The following FHIP2A variants were observed in gnomAD, a reference collection of about 807,000 sequenced individuals.
FHIP2A encodes the protein FHF complex subunit HOOK interacting protein 2A.
A neutral mutation model predicts 93.5 loss-of-function variants in FHIP2A; 46 were observed. The observed-to-expected ratio is 0.49, with a 90% confidence interval of 0.39 to 0.63. The LOEUF (loss-of-function observed/expected upper bound fraction) is 0.63. Among genes scored for constraint, FHIP2A ranks in the 20% least tolerant of loss-of-function variants. The pLI is 0.00. For synonymous variants in FHIP2A, 332 were observed against 326.5 expected, an observed-to-expected ratio of 1.02 and a Z score of -0.18; for missense variants, 769 against 909.7, an observed-to-expected ratio of 0.85 and a Z score of 1.99.
chr10:114,835,504 T>C (rs750984369), intron 3 of FHIP2A, 33 bp from the exon 4 acceptor site: 2 of 1,338,708 alleles, frequency 1.5e-6, no homozygotes, highest in Non-Finnish European at 2.1e-6. Flanking sequence ...TGTCTGTTGT[T>C]TTCCTGTTGG....
At chr10:114,887,920 C>T (rs2083951260) in intron 16 of FHIP2A, among the ~76,000 whole-genome samples, 1 of 152,202 alleles carries the variant, frequency 6.6e-6, no homozygotes, top group Admixed American at 6.5e-5. Context: ...TCAAGGCTCC[C>T]AGAGAATGGC....
downstream of FHIP2A, among the ~76,000 whole-genome samples, chr10:114,864,879 T>C (rs1012982321): frequency 6.6e-6 from 1 of 152,196 alleles, no homozygotes; most frequent in Non-Finnish European, 1.5e-5. Context: ...GCAATGTATC[T>C]ATTTGTGGAG....
intron 15 of FHIP2A, 98 bp from the exon 16 acceptor site, chr10:114,861,133 T>C: frequency 6.7e-7 from 1 of 1,490,186 alleles, no homozygotes; most frequent in South Asian, 1.3e-5. Context: ...TTTACGTTCT[T>C]TATTAAATAG....
Position 114,846,377 on chromosome 10 carries a change from G to A in FHIP2A, c.1398+10G>A, listed in dbSNP as rs376069587. ...TCACATATCTGATGAGGTAAGCTAC[G>A]TAATGATTTAGAATTGGACTTAGAT... is the stretch of plus-strand genomic sequence containing the variant. On this transcript the variant is annotated intron_variant, in intron 10 of 16. Coordinates refer to ENST00000369248, the MANE Select transcript of FHIP2A (RefSeq NM_020940.4). The A allele has an allele frequency of 2.5e-6, 4 of 1,606,938 alleles. No homozygotes were observed. Among genetic ancestry groups the A allele is most frequent in the African/African-American group, 1.3e-5 (1 of 74,730 alleles).
intron 16 of FHIP2A, among the ~76,000 whole-genome samples, chr10:114,878,406 G>T (rs1051224774): frequency 1.3e-5 from 2 of 152,178 alleles, no homozygotes; most frequent in African/African-American, 4.8e-5. Flanking sequence ...TGGGGGCAAA[G>T]TCACTCATAG....
chr10:114,839,564 T>C (rs141134827), intron 5 of FHIP2A, among the ~76,000 whole-genome samples: 256 of 152,224 alleles, frequency 1.7e-3, no homozygotes, highest in African/African-American at 6.0e-3. Context: ...TGGTTAAATA[T>C]ATATGGTAGA....
chr10:114,864,423 C>G lies in FHIP2A; in HGVS notation c.*2883C>G, dbSNP rs546918096. 1.0e-6 allele frequency: 1 copy of G among 985,680 alleles called. No individual in the cohort carries two copies. The highest frequency in any genetic ancestry group is 1.2e-6 in the Non-Finnish European group (1 of 829,898). The allele number at this position is 985,680 out of a possible 1,614,324, so 61.1% of individuals were successfully genotyped here. On this transcript the variant is annotated 3_prime_UTR_variant, in exon 17 of 17. Transcript: ENST00000369248. ...TGTGTTAAAACATGGTAGATAATCA[C>G]ATTTTCTGGGCCCTGTAAAATAGTG...
chr10:114,830,270 CTTTT>C (rs5788083), intron 1 of FHIP2A, among the ~76,000 whole-genome samples: 1 of 105,450 alleles, frequency 9.5e-6, no homozygotes, highest in African/African-American at 3.8e-5. Flanking sequence ...CTGAAACCTA[CTTTT>C]TTTTTTTTTT....
intron 1 of FHIP2A, among the ~76,000 whole-genome samples, chr10:114,823,851 C>A (rs1052377278): frequency 2.0e-5 from 3 of 152,212 alleles, no homozygotes; most frequent in African/African-American, 4.8e-5. Context: ...TAATGAGATA[C>A]TTGGTAATCA....
intron 16 of FHIP2A, among the ~76,000 whole-genome samples, chr10:114,877,276 G>T (rs916958106): frequency 1.3e-5 from 2 of 152,108 alleles, no homozygotes; most frequent in African/African-American, 4.8e-5. Context: ...TCCCCACTGG[G>T]AACGGCGCCG....
At chr10:114,870,666 A>T (rs1261996050) in intron 16 of FHIP2A, among the ~76,000 whole-genome samples, 1 of 152,212 alleles carries the variant, frequency 6.6e-6, no homozygotes, top group African/African-American at 2.4e-5. Context: ...TGTTCAACAG[A>T]TATTCACTAA....
At chr10:114,897,526 A>G (rs1026030862) in intron 16 of FHIP2A, among the ~76,000 whole-genome samples, 2 of 152,206 alleles carry the variant, frequency 1.3e-5, no homozygotes, top group African/African-American at 2.4e-5. Context: ...TCATTTGTAT[A>G]TTATAAAAAT....
At position 114,833,273 on chromosome 10, in the gene FHIP2A, T is replaced by C. The variant is rs746388403; in HGVS notation, c.165T>C (p.His55=). 1.9e-6 allele frequency: 3 copies of C among 1,613,520 alleles called. No homozygotes were observed. The East Asian group carries it at 6.7e-5, about 36-fold the overall frequency. Reference sequence around the variant, plus strand: ...TGACCGATACAAATATTCCATCGCATCTGGAACAGATGTTAGATATACTGG... The same window carrying C: ...TGACCGATACAAATATTCCATCGCACCTGGAACAGATGTTAGATATACTGG... ...APVTDTNIPS[H]LEQMLDILVQ... Residue 55 remains histidine, a synonymous_variant, in exon 3 of 17, where the codon CAT becomes CAC. Coordinates refer to ENST00000369248, the MANE Select transcript of FHIP2A (RefSeq NM_020940.4).
At chr10:114,833,032 T>C (rs1303894064) in intron 2 of FHIP2A, among the ~76,000 whole-genome samples, 1 of 152,036 alleles carries the variant, frequency 6.6e-6, no homozygotes, top group Non-Finnish European at 1.5e-5. Context: ...GAATATTGAT[T>C]CAGTTTTAGG....
chr10:114,832,516 T>C (rs2083613165), intron 2 of FHIP2A, among the ~76,000 whole-genome samples: 1 of 152,136 alleles, frequency 6.6e-6, no homozygotes, highest in East Asian at 1.9e-4. Flanking sequence ...AACCTATTTC[T>C]ATTTAAAGAG....
At chr10:114,878,793 A>AAAG (rs1260637569) in intron 16 of FHIP2A, among the ~76,000 whole-genome samples, 1 of 149,460 alleles carries the variant, frequency 6.7e-6, no homozygotes, top group Admixed American at 6.7e-5. Flanking sequence ...AAAAAAAAAA[A>AAAG]AGAAAGAAAG....
chr10:114,882,002 G>T, intron 16 of FHIP2A, among the ~76,000 whole-genome samples: 1 of 152,248 alleles, frequency 6.6e-6, no homozygotes, highest in East Asian at 1.9e-4. Flanking sequence ...TGTTTGTAAT[G>T]ACTTCGGTTT....
chr10:114,888,819 T>C (rs2083955983), intron 16 of FHIP2A, among the ~76,000 whole-genome samples: 1 of 152,112 alleles, frequency 6.6e-6, no homozygotes, highest in South Asian at 2.1e-4. Context: ...GCCAGGCTGA[T>C]CTTGAACCCC....
At position 114,843,724 on chromosome 10, in the gene FHIP2A, A is replaced by AT. The variant is rs562216673; in HGVS notation, c.817-8dup. 3,896 of 1,462,322 alleles carry AT rather than the reference A, an allele frequency of 2.7e-3. 9 individuals carry two copies. Among genetic ancestry groups the AT allele is most frequent in the Non-Finnish European group, 3.0e-3 (3,294 of 1,103,076 alleles). The allele number at this position is 1,462,322 out of a possible 1,614,324, so 90.6% of individuals were successfully genotyped here. ...TATACAATTCAAGAATTGAAGGGGGATTTTTTTTTCCTTTAGGATGGCAGA... is the reference window on the plus strand; with the variant it reads ...TATACAATTCAAGAATTGAAGGGGGATTTTTTTTTTCCTTTAGGATGGCAGA... On this transcript the variant is annotated splice_polypyrimidine_tract_variant and intron_variant, in intron 6 of 16. Transcript: ENST00000369248.
Sources: allele counts gnomAD v4.1 joint callset (sites outside exome capture counted in the v4.1 genomes callset), GRCh38; gene constraint gnomAD v4.1.1; transcripts MANE v1.5; gene names NCBI Gene and HGNC (gene_info 2026-07-23, HGNC 2026-07-21).